Variants in SNTG1 observed in about 807,000 individuals in gnomAD.
The protein encoded by SNTG1 is syntrophin gamma 1.
A neutral mutation model predicts 74.7 loss-of-function variants in SNTG1; 39 were observed. The ratio of observed to expected loss-of-function variants is 0.52; its 90% CI spans 0.40 to 0.68. The LOEUF (loss-of-function observed/expected upper bound fraction) is 0.68, where lower values mean the gene tolerates loss of function less well. SNTG1 is among the 30% of genes least tolerant of loss of function. The pLI, the probability that SNTG1 is intolerant of heterozygous loss-of-function variation, is 0.00. For synonymous variants in SNTG1, 254 were observed against 217.1 expected (o/e 1.17, Z -1.49); for missense variants, 685 against 609.5 (o/e 1.12, Z -1.30).
chr8:50,670,973 G>T (rs930001001), intron 15 of SNTG1, among the ~76,000 whole-genome samples: 1 of 150,656 alleles, frequency 6.6e-6, no homozygotes, highest in Non-Finnish European at 1.5e-5. Flanking sequence ...ATGGTGCTGG[G>T]AAAACTGGCT....
At chr8:49,915,806 T>C (rs1302147257) in intron 1 of SNTG1, among the ~76,000 whole-genome samples, 1 of 152,198 alleles carries the variant, frequency 6.6e-6, no homozygotes, top group Non-Finnish European at 1.5e-5. Flanking sequence ...GTGGACAACA[T>C]GCGGGCTGAT....
Position 50,414,381 on chromosome 8 carries a change from T to A in SNTG1, c.162+12037T>A, listed in dbSNP as rs75344938. Among the ~76,000 whole-genome samples the A allele has an allele frequency of 2.0e-4, 31 of 152,272 alleles. No homozygotes were observed. In the East Asian group the frequency reaches 5.2e-3, roughly 26 times the overall value. On this transcript the variant is annotated intron_variant, in intron 4 of 18. Transcript: ENST00000642720. ...CTTCATCCAGATCTGAGGTCAAGAT[T>A]GGCAAGTTTCTTTACTATAATCCTT...
chr8:50,300,109 G>A (rs908151414), intron 2 of SNTG1, among the ~76,000 whole-genome samples: 2 of 152,198 alleles, frequency 1.3e-5, no homozygotes, highest in Non-Finnish European at 2.9e-5. Flanking sequence ...ACTAAATGCA[G>A]AGAAGTCCAA....
intron 1 of SNTG1, among the ~76,000 whole-genome samples, chr8:50,031,167 A>AT (rs952307960): frequency 2.5e-4 from 38 of 151,986 alleles, no homozygotes; most frequent in Admixed American, 2.4e-3. Flanking sequence ...TTTCTTACAG[A>AT]TTTTTTAATT....
intron 1 of SNTG1, among the ~76,000 whole-genome samples, chr8:50,110,160 T>C (rs1241750722): frequency 6.6e-6 from 1 of 152,192 alleles, no homozygotes; most frequent in African/African-American, 2.4e-5. Context: ...TCTTCCCTTA[T>C]CATCATGCAT....
intron 1 of SNTG1, among the ~76,000 whole-genome samples, chr8:50,049,364 GC>G (rs1411860971): frequency 6.6e-6 from 1 of 151,980 alleles, no homozygotes; most frequent in Non-Finnish European, 1.5e-5. Context: ...AGCTAAAGTA[GC>G]TAAATTATAT....
At chr8:50,158,964 C>T (rs929601046) in intron 1 of SNTG1, among the ~76,000 whole-genome samples, 1 of 152,054 alleles carries the variant, frequency 6.6e-6, no homozygotes, top group African/African-American at 2.4e-5. Context: ...CCAGTTGCTC[C>T]TCTTAGTCTC....
rs28814121 is a variant in SNTG1, at chr8:50,206,716, C to T, written c.-28+34081C>T. Among the ~76,000 whole-genome samples the T allele has an allele frequency of 8.1e-3, 1,235 of 152,196 alleles. 20 individuals carry two copies. Among genetic ancestry groups the T allele is most frequent in the African/African-American group, 0.029 (1,186 of 41,518 alleles). On this transcript the variant is annotated intron_variant, in intron 2 of 18. Transcript: ENST00000642720. ...TTGGCTGTGGGTTTGTCATAAATAG[C>T]TCTTATATTTTGAAATATGTCCCAT...
At chr8:50,314,752 G>A (rs2130775123) in intron 2 of SNTG1, among the ~76,000 whole-genome samples, 1 of 149,890 alleles carries the variant, frequency 6.7e-6, no homozygotes, top group South Asian at 2.2e-4. Context: ...ATAATTATAG[G>A]ACAATTTCAA....
chr8:50,212,907 G>C (rs747908319), intron 2 of SNTG1, among the ~76,000 whole-genome samples: 6 of 152,196 alleles, frequency 3.9e-5, no homozygotes, highest in Admixed American at 1.3e-4. Flanking sequence ...TATTCTGTGA[G>C]AGAACGTGTG....
chr8:50,150,153 CA>C (rs2082015705), intron 1 of SNTG1, among the ~76,000 whole-genome samples: 1 of 152,078 alleles, frequency 6.6e-6, no homozygotes, highest in African/African-American at 2.4e-5. Flanking sequence ...CTCTTTGAAG[CA>C]ATTGTGAAGG....
At chr8:50,298,970 G>A (rs2089518232) in intron 2 of SNTG1, among the ~76,000 whole-genome samples, 1 of 152,090 alleles carries the variant, frequency 6.6e-6, no homozygotes, top group South Asian at 2.1e-4. Flanking sequence ...ATAAAGTATT[G>A]AAGTTCACGT....
chr8:50,342,063 A>G (rs1199528521), intron 2 of SNTG1, among the ~76,000 whole-genome samples: 1 of 152,054 alleles, frequency 6.6e-6, no homozygotes, highest in South Asian at 2.1e-4. Context: ...CATAATCACT[A>G]TGTGTACAGT....
chr8:50,039,921 T>A (rs1413501972), intron 1 of SNTG1, among the ~76,000 whole-genome samples: 1 of 152,156 alleles, frequency 6.6e-6, no homozygotes, highest in African/African-American at 2.4e-5. Flanking sequence ...CTACGGAAGC[T>A]GCACGGACCA....
At chr8:50,628,552 A>G (rs573148149) in intron 13 of SNTG1, among the ~76,000 whole-genome samples, 55 of 149,922 alleles carry the variant, frequency 3.7e-4, no homozygotes, top group Non-Finnish European at 6.4e-4. Flanking sequence ...TTTTTTTCTC[A>G]TTTTCTCAGT....
chr8:49,967,595 G>GA (rs5891339), intron 1 of SNTG1, among the ~76,000 whole-genome samples: 132,868 of 151,890 alleles, frequency 0.87, 58,286 homozygotes, highest in East Asian at 1. Flanking sequence ...ATTTGGACAG[G>GA]AAAAAAAGTT....
chr8:50,031,853 C>A (rs953370327), intron 1 of SNTG1, among the ~76,000 whole-genome samples: 1 of 152,046 alleles, frequency 6.6e-6, no homozygotes, highest in Non-Finnish European at 1.5e-5. Context: ...GGAAGTGTTG[C>A]TGCCTCCATT....
chr8:50,390,025 C>T (rs938001112), intron 2 of SNTG1, among the ~76,000 whole-genome samples: 1 of 152,082 alleles, frequency 6.6e-6, no homozygotes, highest in African/African-American at 2.4e-5. Context: ...TTCTCCCATT[C>T]TCTAGGTTGT....
At chr8:50,400,209 C>A (rs866605968) in intron 3 of SNTG1, among the ~76,000 whole-genome samples, 15 of 152,282 alleles carry the variant, frequency 9.9e-5, no homozygotes, top group African/African-American at 3.6e-4. Flanking sequence ...CCTGGGATAG[C>A]ATGCTCCTTA....
Sources: gnomAD v4.1 joint callset for allele counts (sites outside exome capture counted in the v4.1 genomes callset) on GRCh38, gnomAD v4.1.1 for gene constraint, MANE v1.5 for transcripts, NCBI Gene and HGNC (gene_info 2026-07-23, HGNC 2026-07-21) for gene names.